ADAMTS18: variants seen among roughly 807,000 people sequenced by gnomAD.
ADAMTS18 encodes A disintegrin and metalloproteinase with thrombospondin motifs 18.
ADAMTS18 carries 157 observed loss-of-function variants against 165.9 expected under a neutral mutation model. The ratio of observed to expected loss-of-function variants is 0.95; its 90% CI spans 0.83 to 1.08. ADAMTS18 has a LOEUF of 1.08. Among genes scored for constraint, ADAMTS18 ranks in the 50% least tolerant of loss-of-function variants. ADAMTS18 has a pLI of 0.00. For missense variants in ADAMTS18, 2,040 were observed against 1,534.0 expected (o/e 1.33, Z -5.51); for synonymous variants, 782 against 578.2 (o/e 1.35, Z -5.06).
In ADAMTS18 at chr16:77,291,347, T is replaced by TTCCAAG. The variant is rs748252860; in HGVS notation, c.3315_3320dup (p.Asp1105_Leu1106dup). The TTCCAAG allele has an allele frequency of 6.2e-7, 1 of 1,614,212 alleles. No individual in the cohort carries two copies. The highest frequency in any genetic ancestry group is 1.1e-5 in the South Asian group (1 of 91,090). Reference sequence around the variant, plus strand: ...GGCAAGCCCGTCGGTTGCAGGTCTCTTCCAAGTCCAGATTTGGTTTCTTAA... The same window carrying TTCCAAG: ...GGCAAGCCCGTCGGTTGCAGGTCTCTTCCAAGTCCAAGTCCAGATTTGGTTTCTTAA... On this transcript the variant is annotated inframe_insertion, in exon 21 of 23. Transcript: ENST00000282849.
intron 16 of ADAMTS18, among the ~76,000 whole-genome samples, chr16:77,308,536 T>C (rs951236317): frequency 2.3e-4 from 35 of 151,470 alleles, no homozygotes; most frequent in African/African-American, 8.3e-4. Flanking sequence ...TAGTCACTTC[T>C]AGAGAATGTG....
At chr16:77,382,648 T>C (rs1436403073) in intron 3 of ADAMTS18, among the ~76,000 whole-genome samples, 2 of 152,220 alleles carry the variant, frequency 1.3e-5, no homozygotes, top group East Asian at 3.8e-4. Flanking sequence ...CTTTCCTCCA[T>C]GCTTATGAAT....
In ADAMTS18 at chr16:77,354,063, T is replaced by C. The variant is rs113341245; in HGVS notation, c.1461-177A>G. On this transcript the variant is annotated intron_variant, in intron 9 of 22. Transcript: ENST00000282849. The stretch of plus-strand genomic sequence containing the variant: ...AAAGAGTGAGTCCTGTCTAAGAGGA[T>C]GGAATGTACACAGCCAGGAAGGGTT... Among the ~76,000 whole-genome samples, 533 of 152,322 alleles carry C rather than the reference T, an allele frequency of 3.5e-3. 6 individuals carry two copies. Among genetic ancestry groups the C allele is most frequent in the African/African-American group, 0.012 (503 of 41,574 alleles).
rs149382955 is a variant in ADAMTS18 at position 77,299,585 on chromosome 16, C to T, written c.2674+678G>A. On this transcript the variant is annotated intron_variant, in intron 17 of 22. Transcript: ENST00000282849. ...AGGAAATGAGAGACCAACATTCATG[C>T]TGTGGTTTCAGGAACTTATTTTGGG... Among the ~76,000 whole-genome samples, 611 of 152,314 alleles carry T rather than the reference C, an allele frequency of 4.0e-3. 3 individuals are homozygous for T. The highest frequency in any genetic ancestry group is 0.017 in the Middle Eastern group (5 of 294).
At chr16:77,334,795 C>CTGTATACTATAGTATACAGTA (rs1567492083) in intron 12 of ADAMTS18, among the ~76,000 whole-genome samples, 4 of 20,346 alleles carry the variant, frequency 2.0e-4, no homozygotes, top group East Asian at 2.5e-3. Flanking sequence ...AGTAAATATA[C>CTGTATACTATAGTATACAGTA]TATATACTAT....
intron 3 of ADAMTS18, among the ~76,000 whole-genome samples, chr16:77,420,860 A>G (rs2057592963): frequency 6.6e-6 from 1 of 152,132 alleles, no homozygotes; most frequent in Admixed American, 6.5e-5. Flanking sequence ...CACTTCATTT[A>G]CCTCCTAGAA....
At chr16:77,375,873 C>T (rs1394294232) in intron 3 of ADAMTS18, among the ~76,000 whole-genome samples, 8 of 136,642 alleles carry the variant, frequency 5.9e-5, no homozygotes, top group African/African-American at 1.6e-4. Context: ...GGTTTTATGT[C>T]GTTTTTTCTT....
At chr16:77,393,656 C>A (rs563527537) in intron 3 of ADAMTS18, among the ~76,000 whole-genome samples, 1 of 152,268 alleles carries the variant, frequency 6.6e-6, no homozygotes, top group East Asian at 1.9e-4. Context: ...CAGAAGAGGG[C>A]CCTCTCCAGA....
At chr16:77,351,397 G>C (rs1056161253) in intron 10 of ADAMTS18, among the ~76,000 whole-genome samples, 3 of 152,112 alleles carry the variant, frequency 2.0e-5, no homozygotes, top group African/African-American at 2.4e-5. Flanking sequence ...AAAATATAGT[G>C]AGGTCCCAGA....
At chr16:77,340,468 C>T (rs1376997568) in intron 11 of ADAMTS18, among the ~76,000 whole-genome samples, 3 of 152,164 alleles carry the variant, frequency 2.0e-5, no homozygotes, top group Non-Finnish European at 4.4e-5. Context: ...AGCCACTGTG[C>T]CCCGCCTGGA....
chr16:77,292,482 A>T (rs981687662), intron 20 of ADAMTS18, among the ~76,000 whole-genome samples: 3 of 152,002 alleles, frequency 2.0e-5, no homozygotes, highest in Non-Finnish European at 4.4e-5. Context: ...TTTTGCTTTG[A>T]TTCCTGCTCA....
intron 10 of ADAMTS18, among the ~76,000 whole-genome samples, chr16:77,342,678 G>A (rs554415138): frequency 6.6e-6 from 1 of 152,214 alleles, no homozygotes; most frequent in African/African-American, 2.4e-5. Flanking sequence ...TCTCATGCTA[G>A]ACTGTGGTAC....
At position 77,294,974 on chromosome 16, in the gene ADAMTS18, G is replaced by A. The variant is rs1567459119; in HGVS notation, c.2955C>T (p.Ala985=). The change falls in exon 19 of 23, where the codon GCC becomes GCT. Residue 985 remains alanine, a synonymous_variant. Transcript: ENST00000282849. ...GTGGAGGGCAGGCATGGCTGTTGCA[G>A]GCTTGGACCTGAGTGGGTGTGCTCA... The part of the protein sequence containing the change: ...CPVSTPTQVQ[A]CNSHACPPQW... The A allele has an allele frequency of 1.2e-6, 2 of 1,614,158 alleles. No homozygotes were observed. Among genetic ancestry groups the A allele is most frequent in the Admixed American group, 3.3e-5 (2 of 60,022 alleles).
At chr16:77,414,704 T>C (rs2144835638) in intron 3 of ADAMTS18, among the ~76,000 whole-genome samples, 1 of 152,290 alleles carries the variant, frequency 6.6e-6, no homozygotes, top group East Asian at 1.9e-4. Context: ...AAAATAAAGA[T>C]CTACTGCATA....
At chr16:77,391,071 C>T (rs1247415559) in intron 3 of ADAMTS18, among the ~76,000 whole-genome samples, 5 of 152,110 alleles carry the variant, frequency 3.3e-5, no homozygotes, top group Admixed American at 2.6e-4. Context: ...TTTTCCTTTT[C>T]ATCTAAAAGA....
intron 3 of ADAMTS18, among the ~76,000 whole-genome samples, chr16:77,425,199 A>T (rs1157176755): frequency 3.3e-5 from 5 of 152,190 alleles, no homozygotes; most frequent in African/African-American, 1.2e-4. Context: ...CAAAGATACA[A>T]TGGGGACATT....
chr16:77,388,523 T>C (rs1465481131), intron 3 of ADAMTS18, among the ~76,000 whole-genome samples: 1 of 152,226 alleles, frequency 6.6e-6, no homozygotes, highest in Admixed American at 6.5e-5. Context: ...CTCTACTGCT[T>C]GTAAGGCGTG....
chr16:77,420,683 G>C (rs182370702), intron 3 of ADAMTS18, among the ~76,000 whole-genome samples: 1 of 152,318 alleles, frequency 6.6e-6, no homozygotes, highest in East Asian at 1.9e-4. Context: ...CCTGTGACAA[G>C]ATGTAGAGAT....
intron 3 of ADAMTS18, among the ~76,000 whole-genome samples, chr16:77,395,345 T>C (rs1326429408): frequency 6.6e-6 from 1 of 152,146 alleles, no homozygotes; most frequent in Non-Finnish European, 1.5e-5. Flanking sequence ...CTCTGTTACT[T>C]GGCTTTCTAC....
Sources: allele counts gnomAD v4.1 joint callset (sites outside exome capture counted in the v4.1 genomes callset), GRCh38; gene constraint gnomAD v4.1.1; transcripts MANE v1.5; gene names NCBI Gene and HGNC (gene_info 2026-07-23, HGNC 2026-07-21).